PDE10A: variants seen among roughly 807,000 people sequenced by gnomAD.
PDE10A encodes the protein cAMP and cAMP-inhibited cGMP 3',5'-cyclic phosphodiesterase 10A.
A neutral mutation model predicts 97.7 loss-of-function variants in PDE10A; 39 were observed. That is an observed-to-expected ratio of 0.40 (90% confidence interval 0.31 to 0.52). PDE10A has a LOEUF of 0.52. Ranked by LOEUF, PDE10A falls within the 20% of genes least tolerant of loss-of-function variation. The pLI, the probability that PDE10A is intolerant of heterozygous loss-of-function variation, is 0.56. For missense variants in PDE10A, 731 were observed against 1,047.8 expected (o/e 0.70, Z 4.17); for synonymous variants, 371 against 376.8 (o/e 0.98, Z 0.18).
chr6:165,555,042 G>A (rs921430719), intron 1 of PDE10A, among the ~76,000 whole-genome samples: 1 of 152,138 alleles, frequency 6.6e-6, no homozygotes, highest in Non-Finnish European at 1.5e-5. Context: ...AGGGGGCTAG[G>A]AGGAGGTAGG....
At chr6:165,782,675 T>C (rs1298581383) in intron 1 of PDE10A, among the ~76,000 whole-genome samples, 1 of 152,238 alleles carries the variant, frequency 6.6e-6, no homozygotes, top group Non-Finnish European at 1.5e-5. Flanking sequence ...GTAGTATTCA[T>C]CATAAACTAA....
At chr6:165,613,586 A>T (rs1050595359) in intron 1 of PDE10A, among the ~76,000 whole-genome samples, 1 of 152,140 alleles carries the variant, frequency 6.6e-6, no homozygotes, top group Admixed American at 6.5e-5. Context: ...GGCTGCAGTG[A>T]GCCAAGACTG....
At chr6:165,938,977 TAA>T (rs1158424493) in intron 1 of PDE10A, among the ~76,000 whole-genome samples, 2 of 152,186 alleles carry the variant, frequency 1.3e-5, no homozygotes, top group Admixed American at 6.5e-5. Flanking sequence ...GGAAATAACA[TAA>T]GTGTCCATCA....
At chr6:165,414,725 T>C (rs773955824) in intron 12 of PDE10A, among the ~76,000 whole-genome samples, 22 of 152,180 alleles carry the variant, frequency 1.4e-4, no homozygotes, top group Non-Finnish European at 1.8e-4. Context: ...ACAGTAAGTG[T>C]ATGTTTAACT....
At chr6:165,634,271 C>T (rs771331383) in intron 1 of PDE10A, among the ~76,000 whole-genome samples, 9 of 151,916 alleles carry the variant, frequency 5.9e-5, no homozygotes, top group Admixed American at 2.0e-4. Flanking sequence ...GTGTGTGGAG[C>T]GTCATGGGTT....
chr6:165,935,989 A>T (rs1311100920), intron 1 of PDE10A, among the ~76,000 whole-genome samples: 1 of 152,256 alleles, frequency 6.6e-6, no homozygotes, highest in East Asian at 1.9e-4. Context: ...GCACAAAACA[A>T]ACTAAGACAA....
chr6:165,422,270 TACGCATACACACAC>T (rs1788748822), intron 10 of PDE10A, among the ~76,000 whole-genome samples: 2 of 151,282 alleles, frequency 1.3e-5, no homozygotes, highest in South Asian at 4.2e-4. Flanking sequence ...TACACACACA[TACGCATACACACAC>T]ACGCATACAC....
chr6:165,366,676 G>T (rs187863131), intron 18 of PDE10A, among the ~76,000 whole-genome samples: 15 of 152,268 alleles, frequency 9.9e-5, no homozygotes, highest in East Asian at 1.9e-4. Context: ...GGGGATGTCA[G>T]AGCACACACA....
intron 1 of PDE10A, chr6:165,775,750 A>C (rs1184521973): frequency 6.6e-6 from 1 of 152,252 alleles, no homozygotes; most frequent in Non-Finnish European, 1.5e-5. Context: ...TGCTTAAGCA[A>C]TTAATCTTTT....
At chr6:165,877,992 C>G (rs1262264828) in intron 1 of PDE10A, among the ~76,000 whole-genome samples, 1 of 152,150 alleles carries the variant, frequency 6.6e-6, no homozygotes, top group Admixed American at 6.6e-5. Context: ...AAAGCACATG[C>G]ACTTATGCAA....
chr6:165,533,265 C>T (rs923203354), intron 2 of PDE10A, among the ~76,000 whole-genome samples: 1 of 152,050 alleles, frequency 6.6e-6, no homozygotes, highest in Non-Finnish European at 1.5e-5. Flanking sequence ...TGGTGAGATA[C>T]AGTCTGAGAA....
chr6:165,542,718 A>G (rs1406294239), intron 2 of PDE10A, among the ~76,000 whole-genome samples: 1 of 142,318 alleles, frequency 7.0e-6, no homozygotes, highest in Non-Finnish European at 1.5e-5. Flanking sequence ...TCCCGGGTTC[A>G]CGCCATTCTC....
intron 1 of PDE10A, among the ~76,000 whole-genome samples, chr6:165,545,618 G>C (rs1469503235): frequency 6.6e-6 from 1 of 151,874 alleles, no homozygotes. Flanking sequence ...TGGGCCAAAG[G>C]CCACTTCAGT....
At chr6:165,864,993 A>G (rs1420360431) in intron 1 of PDE10A, among the ~76,000 whole-genome samples, 2 of 152,214 alleles carry the variant, frequency 1.3e-5, no homozygotes, top group African/African-American at 4.8e-5. Flanking sequence ...TTTTTTCTAT[A>G]CAGTCTTAGT....
At chr6:165,713,090 C>T (rs150189447) in intron 1 of PDE10A, among the ~76,000 whole-genome samples, 186 of 152,308 alleles carry the variant, frequency 1.2e-3, no homozygotes, top group Non-Finnish European at 2.0e-3. Flanking sequence ...GAGAGAGTGC[C>T]GCACACGTGA....
intron 1 of PDE10A, among the ~76,000 whole-genome samples, chr6:165,826,949 T>C (rs1240557704): frequency 2.0e-5 from 3 of 146,442 alleles, no homozygotes; most frequent in Non-Finnish European, 4.5e-5. Flanking sequence ...GGCAGGGAGG[T>C]AGGAAGTGGG....
At chr6:165,973,798 C>T (rs958060538) in intron 1 of PDE10A, among the ~76,000 whole-genome samples, 6 of 152,174 alleles carry the variant, frequency 3.9e-5, no homozygotes, top group Non-Finnish European at 8.8e-5. Context: ...AATACAGTAA[C>T]ATAGCTTTTC....
chr6:165,528,265 G>T (rs1241675996), intron 2 of PDE10A, among the ~76,000 whole-genome samples: 1 of 152,220 alleles, frequency 6.6e-6, no homozygotes, highest in Non-Finnish European at 1.5e-5. Flanking sequence ...CCTCAGCAGA[G>T]GAGGAGTTTA....
At chr6:165,494,008 G>A (rs1047032760) in intron 2 of PDE10A, among the ~76,000 whole-genome samples, 1 of 150,770 alleles carries the variant, frequency 6.6e-6, no homozygotes, top group Non-Finnish European at 1.5e-5. Context: ...GTGGGCTAAG[G>A]ACATGAATAG....
Sources: gnomAD v4.1 joint callset for allele counts (sites outside exome capture counted in the v4.1 genomes callset) on GRCh38, gnomAD v4.1.1 for gene constraint, MANE v1.5 for transcripts, NCBI Gene and HGNC (gene_info 2026-07-23, HGNC 2026-07-21) for gene names.